NRP1: variants seen among roughly 807,000 people sequenced by gnomAD.
NRP1 encodes neuropilin-1.
In NRP1, 35 loss-of-function variants were observed where a neutral mutation model predicts 106.7. The observed-to-expected ratio is 0.33, with a 90% CI of 0.25 to 0.43. The LOEUF (loss-of-function observed/expected upper bound fraction) is 0.43. Among genes scored for constraint, NRP1 ranks in the 20% least tolerant of loss-of-function variants. The probability of loss-of-function intolerance (pLI) is 1.00; values close to 1 mark genes in which losing one functional copy is unlikely to be tolerated. For synonymous variants in NRP1, 437 were observed against 417.9 expected (o/e 1.05, Z -0.56); for missense variants, 1,024 against 1,170.4 (o/e 0.87, Z 1.83).
In NRP1 at chr10:33,326,226, T is replaced by C. The variant is rs1847881641; in HGVS notation, c.248+4482A>G. ...ACCATATCAATGACATTCTTGTTTA[T>C]TATACAGATATAAACTTTTATGAGA... On this transcript the variant is annotated intron_variant, in intron 2 of 16. Coordinates refer to ENST00000374867, the MANE Select transcript of NRP1 (RefSeq NM_003873.7). 2.0e-5 allele frequency among the ~76,000 whole-genome samples: 3 copies of C among 152,336 alleles called. No homozygotes were observed. The South Asian group carries it at 6.2e-4, about 32-fold the overall frequency.
At chr10:33,250,390 C>T (rs886957752) in intron 6 of NRP1, among the ~76,000 whole-genome samples, 8 of 152,114 alleles carry the variant, frequency 5.3e-5, no homozygotes, top group African/African-American at 1.2e-4. Context: ...GCTCGGAAGG[C>T]GAAAAACGGT....
At chr10:33,289,127 G>A (rs574137183) in intron 2 of NRP1, among the ~76,000 whole-genome samples, 87 of 152,208 alleles carry the variant, frequency 5.7e-4, no homozygotes, top group African/African-American at 2.0e-3. Flanking sequence ...CTTCTAAATC[G>A]TTTAGGAACT....
intron 2 of NRP1, among the ~76,000 whole-genome samples, chr10:33,291,449 C>G (rs952592404): frequency 6.6e-6 from 1 of 152,178 alleles, no homozygotes; most frequent in Non-Finnish European, 1.5e-5. Flanking sequence ...ACATATTTCT[C>G]CCATCATTTG....
At chr10:33,244,281 T>A (rs1171778181) in intron 6 of NRP1, among the ~76,000 whole-genome samples, 1 of 152,174 alleles carries the variant, frequency 6.6e-6, no homozygotes, top group Non-Finnish European at 1.5e-5. Flanking sequence ...TAGGAGTTGG[T>A]GTGTTACCTC....
intron 6 of NRP1, among the ~76,000 whole-genome samples, chr10:33,235,911 C>T (rs1483067876): frequency 1.3e-5 from 2 of 152,192 alleles, no homozygotes; most frequent in African/African-American, 2.4e-5. Flanking sequence ...TATTTTCCTT[C>T]AATTGCATGT....
At chr10:33,185,604 G>A (rs772554200) in intron 15 of NRP1, 24 bp downstream of exon 15, 1 of 1,554,434 alleles carries the variant, frequency 6.4e-7, no homozygotes, top group Non-Finnish European at 8.9e-7. Context: ...CACTCCATTG[G>A]TTTCTACAGC....
At chr10:33,251,082 G>A (rs1171377317) in intron 6 of NRP1, among the ~76,000 whole-genome samples, 2 of 152,152 alleles carry the variant, frequency 1.3e-5, no homozygotes, top group African/African-American at 2.4e-5. Flanking sequence ...CAGCATTGAG[G>A]GAGGGGCCTG....
intron 6 of NRP1, among the ~76,000 whole-genome samples, chr10:33,234,676 GA>G (rs763650628): frequency 6.6e-6 from 1 of 152,154 alleles, no homozygotes; most frequent in Non-Finnish European, 1.5e-5. Context: ...TACCCAAGTA[GA>G]AGAACAGCGC....
At chr10:33,275,932 C>CA (rs1044152102) in intron 2 of NRP1, among the ~76,000 whole-genome samples, 9 of 151,346 alleles carry the variant, frequency 5.9e-5, no homozygotes, top group Non-Finnish European at 8.8e-5. Context: ...CAAAACAAAA[C>CA]AAAAAAAACT....
chr10:33,321,933 C>T (rs560963624), intron 2 of NRP1, among the ~76,000 whole-genome samples: 3 of 152,276 alleles, frequency 2.0e-5, no homozygotes, highest in South Asian at 2.1e-4. Context: ...CCAGATAAAA[C>T]GAAATACACT....
chr10:33,303,126 T>G (rs1269458797), intron 2 of NRP1, among the ~76,000 whole-genome samples: 1 of 152,232 alleles, frequency 6.6e-6, no homozygotes, highest in Non-Finnish European at 1.5e-5. Context: ...CACACCTGTC[T>G]CTGAACCTTG....
intron 11 of NRP1, among the ~76,000 whole-genome samples, chr10:33,199,773 G>C (rs1489213059): frequency 6.6e-6 from 1 of 152,136 alleles, no homozygotes; most frequent in Non-Finnish European, 1.5e-5. Context: ...TCTGGAGGTG[G>C]TTACAGGGTG....
chr10:33,214,515 CCTTTCTTCTGG>C, intron 8 of NRP1, among the ~76,000 whole-genome samples: 1 of 152,154 alleles, frequency 6.6e-6, no homozygotes, highest in Non-Finnish European at 1.5e-5. Context: ...TTGCTACCTT[CCTTTCTTCTGG>C]ATTTATCCTG....
chr10:33,197,718 CA>C lies in NRP1; in HGVS notation c.1865-10del. On this transcript the variant is annotated splice_polypyrimidine_tract_variant and intron_variant, in intron 11 of 16. Transcript: ENST00000374867. The stretch of plus-strand genomic sequence containing the variant: ...CAGCACAGTGGTGCCACCTGAAAAA[CA>C]AAAACAGGAACATGCAAAAATAAGA... The C allele has an allele frequency of 3.2e-6, 5 of 1,566,636 alleles. No homozygotes were observed. The highest frequency in any genetic ancestry group is 3.5e-6 in the Non-Finnish European group (4 of 1,145,828).
chr10:33,242,936 C>T (rs1047741384), intron 6 of NRP1, among the ~76,000 whole-genome samples: 5 of 152,166 alleles, frequency 3.3e-5, no homozygotes, highest in Admixed American at 1.3e-4. Flanking sequence ...CAGAATGGAA[C>T]ATGGTATTTG....
At chr10:33,307,248 A>C (rs561755592) in intron 2 of NRP1, among the ~76,000 whole-genome samples, 5 of 152,374 alleles carry the variant, frequency 3.3e-5, no homozygotes, top group African/African-American at 1.2e-4. Flanking sequence ...GACAGAGGTC[A>C]GCAAACTATG....
At chr10:33,305,300 A>T (rs567915807) in intron 2 of NRP1, among the ~76,000 whole-genome samples, 1 of 152,212 alleles carries the variant, frequency 6.6e-6, no homozygotes, top group Non-Finnish European at 1.5e-5. Flanking sequence ...ATAATAATTG[A>T]TGCATGTTGG....
Position 33,207,564 on chromosome 10 carries a change from A to G in NRP1, c.1759+8T>C. 1.9e-6 allele frequency: 3 copies of G among 1,614,002 alleles called. No homozygotes were observed. The highest frequency in any genetic ancestry group is 2.5e-6 in the Non-Finnish European group (3 of 1,179,930). ...CGCATGAGAAGTAACTCTGGAGATC[A>G]TAATTACCTTCCACTTCACAGCCCA... On this transcript the variant is annotated splice_region_variant and intron_variant, in intron 10 of 16. Transcript: ENST00000374867.
chr10:33,263,676 G>C lies in NRP1; in HGVS notation c.628C>G (p.Arg210Gly). 6.2e-7 allele frequency: 1 copy of C among 1,613,884 alleles called. No individual in the cohort carries two copies. The highest frequency in any genetic ancestry group is 8.5e-7 in the Non-Finnish European group (1 of 1,179,900). Residue 210 changes from arginine (R) to glycine (G), a missense_variant, in exon 4 of 17, where the codon CGG becomes GGG. By Grantham distance (125) the Arg-to-Gly change is moderately radical. This residue lies in a region of NRP1 where 279 missense variants were observed against 327.4 expected (regional missense o/e 0.85). Coordinates refer to ENST00000374867, the MANE Select transcript of NRP1 (RefSeq NM_003873.7). ...PPGGMFCRYD[R>G]LEIWDGFPDV... is the part of the protein sequence containing the mutation. ...GGGAATCCATCCCAGATTTCTAGCC[G>C]GTCGTAGCGACAGAACATCCCCCCT...
Sources: allele counts gnomAD v4.1 joint callset (sites outside exome capture counted in the v4.1 genomes callset), GRCh38; gene constraint gnomAD v4.1.1; regional missense constraint gnomAD v4.1.1; transcripts MANE v1.5; gene names NCBI Gene and HGNC (gene_info 2026-07-23, HGNC 2026-07-21).